The following ROBO1 variants were observed in gnomAD, a reference collection of about 807,000 sequenced individuals.
ROBO1 encodes roundabout homolog 1.
ROBO1 carries 149 observed loss-of-function variants against 195.9 expected under a neutral mutation model. The ratio of observed to expected loss-of-function variants is 0.76; its 90% CI spans 0.67 to 0.87. The LOEUF (loss-of-function observed/expected upper bound fraction) is 0.87, where lower values mean the gene tolerates loss of function less well. Among genes scored for constraint, ROBO1 ranks in the 40% least tolerant of loss-of-function variants. The probability of loss-of-function intolerance (pLI) is 0.00; values close to 1 mark genes in which losing one functional copy is unlikely to be tolerated. For missense variants in ROBO1, 1,933 were observed against 2,068.3 expected, an observed-to-expected ratio of 0.93 and a Z score of 1.27; for synonymous variants, 816 against 733.2, an observed-to-expected ratio of 1.11 and a Z score of -1.82.
chr3:78,978,434 A>C (rs1413226665), intron 3 of ROBO1, among the ~76,000 whole-genome samples: 1 of 152,140 alleles, frequency 6.6e-6, no homozygotes, highest in East Asian at 1.9e-4. Context: ...GGTATTAATA[A>C]TACTAATGGC....
At chr3:79,734,010 C>T (rs911119028) in intron 1 of ROBO1, among the ~76,000 whole-genome samples, 12 of 149,352 alleles carry the variant, frequency 8.0e-5, no homozygotes, top group African/African-American at 1.2e-4. Context: ...TGCAATGGTG[C>T]GATCTGGTCT....
chr3:78,950,659 T>C (rs548955483), intron 3 of ROBO1, among the ~76,000 whole-genome samples: 39 of 150,572 alleles, frequency 2.6e-4, no homozygotes, highest in African/African-American at 8.6e-4. Context: ...ACTTAAAGTA[T>C]AATAATAATA....
intron 3 of ROBO1, among the ~76,000 whole-genome samples, chr3:79,047,896 C>A (rs1424869964): frequency 6.6e-6 from 1 of 151,984 alleles, no homozygotes; most frequent in African/African-American, 2.4e-5. Context: ...GTCCCATGAG[C>A]AGAACTAAGA....
At chr3:79,247,063 T>A (rs770790796) in intron 2 of ROBO1, among the ~76,000 whole-genome samples, 5 of 151,720 alleles carry the variant, frequency 3.3e-5, no homozygotes, top group Non-Finnish European at 7.4e-5. Context: ...TCTAATGCTC[T>A]GTGGATCTTG....
At chr3:78,648,012 A>G (rs1706406547) in intron 19 of ROBO1, among the ~76,000 whole-genome samples, 1 of 152,120 alleles carries the variant, frequency 6.6e-6, no homozygotes, top group Admixed American at 6.6e-5. Flanking sequence ...GGATTCTTAA[A>G]TAAGTATTAT....
intron 1 of ROBO1, among the ~76,000 whole-genome samples, chr3:79,649,234 C>G (rs1282409670): frequency 1.3e-5 from 2 of 151,548 alleles, no homozygotes; most frequent in Non-Finnish European, 2.9e-5. Context: ...AAATAAAACC[C>G]CAAAGGAAGG....
intron 21 of ROBO1, among the ~76,000 whole-genome samples, 159 bp downstream of exon 21, chr3:78,645,989 C>A (rs547880220): frequency 6.6e-6 from 1 of 152,130 alleles, no homozygotes; most frequent in Non-Finnish European, 1.5e-5. Flanking sequence ...GTGTAAACAG[C>A]TTGTTTCAAC....
intron 2 of ROBO1, among the ~76,000 whole-genome samples, chr3:79,341,107 T>C (rs914116436): frequency 1.3e-5 from 2 of 152,204 alleles, no homozygotes; most frequent in South Asian, 2.1e-4. Context: ...GACGAGGTCA[T>C]AGAAAACCAG....
chr3:79,576,823 A>T (rs1943502355), intron 2 of ROBO1, among the ~76,000 whole-genome samples: 1 of 152,182 alleles, frequency 6.6e-6, no homozygotes, highest in Non-Finnish European at 1.5e-5. Flanking sequence ...AACTTGAATA[A>T]ATCATCTGCC....
At chr3:78,947,324 T>C (rs891412875) in intron 3 of ROBO1, among the ~76,000 whole-genome samples, 4 of 152,150 alleles carry the variant, frequency 2.6e-5, no homozygotes, top group East Asian at 1.9e-4. Flanking sequence ...ACAAACTGTC[T>C]CTCAGACCAC....
chr3:79,046,668 G>C (rs1262972842), intron 3 of ROBO1, among the ~76,000 whole-genome samples: 1 of 151,986 alleles, frequency 6.6e-6, no homozygotes, highest in Non-Finnish European at 1.5e-5. Context: ...GGGAGGCTAG[G>C]TCTGTCTCTC....
intron 17 of ROBO1, among the ~76,000 whole-genome samples, 188 bp downstream of exon 17, chr3:78,659,498 A>C (rs1335544338): frequency 3.9e-5 from 6 of 152,180 alleles, no homozygotes; most frequent in Non-Finnish European, 8.8e-5. Context: ...CCCCTGTCAG[A>C]CCACCTGAAT....
chr3:78,827,938 T>C (rs1370423888), intron 4 of ROBO1, among the ~76,000 whole-genome samples: 1 of 152,220 alleles, frequency 6.6e-6, no homozygotes, highest in Admixed American at 6.5e-5. Flanking sequence ...TGATCAAATA[T>C]TTGGTTCCCA....
chr3:79,540,887 A>C (rs1237091828), intron 2 of ROBO1, among the ~76,000 whole-genome samples: 3 of 152,156 alleles, frequency 2.0e-5, no homozygotes, highest in Admixed American at 2.0e-4. Flanking sequence ...GATTTTAAAA[A>C]TATTTGAGCA....
At chr3:79,041,709 A>G (rs1479678192) in intron 3 of ROBO1, among the ~76,000 whole-genome samples, 1 of 152,118 alleles carries the variant, frequency 6.6e-6, no homozygotes, top group Non-Finnish European at 1.5e-5. Context: ...TATCCCACAC[A>G]GATAGCCCTT....
intron 27 of ROBO1, among the ~76,000 whole-genome samples, chr3:78,616,160 T>C (rs1276381732): frequency 1.3e-5 from 2 of 152,206 alleles, no homozygotes; most frequent in Non-Finnish European, 2.9e-5. Context: ...GAATTTTCAA[T>C]GTTATTTCTA....
chr3:79,237,284 C>T (rs949556486), intron 2 of ROBO1, among the ~76,000 whole-genome samples: 1 of 151,998 alleles, frequency 6.6e-6, no homozygotes, highest in Non-Finnish European at 1.5e-5. Flanking sequence ...AGATCGAGAC[C>T]ATCCCTGCTA....
At chr3:79,228,879 GA>G in intron 2 of ROBO1, among the ~76,000 whole-genome samples, 1 of 151,622 alleles carries the variant, frequency 6.6e-6, no homozygotes, top group Non-Finnish European at 1.5e-5. Flanking sequence ...TTCATTTTCA[GA>G]AAAAAAATCA....
At chr3:79,471,632 G>T (rs1028197444) in intron 2 of ROBO1, among the ~76,000 whole-genome samples, 2 of 151,986 alleles carry the variant, frequency 1.3e-5, no homozygotes, top group Admixed American at 6.6e-5. Flanking sequence ...AATTTTCTTT[G>T]ATCAAGGTCT....
Sources: gnomAD v4.1 joint callset for allele counts (sites outside exome capture counted in the v4.1 genomes callset) on GRCh38, gnomAD v4.1.1 for gene constraint, MANE v1.5 for transcripts, NCBI Gene and HGNC (gene_info 2026-07-23, HGNC 2026-07-21) for gene names.